The following MAST4 variants were observed in gnomAD, a reference collection of about 807,000 sequenced individuals.
The protein encoded by MAST4 is microtubule associated serine/threonine kinase family member 4.
MAST4 carries 89 observed loss-of-function variants against 162.7 expected under a neutral mutation model. That is an observed-to-expected ratio of 0.55 (90% CI 0.46 to 0.65). The LOEUF (loss-of-function observed/expected upper bound fraction) is 0.65. Ranked by LOEUF, MAST4 falls within the 30% of genes least tolerant of loss-of-function variation. The pLI is 0.00. For synonymous variants in MAST4, 1,479 were observed against 1,361.1 expected (o/e 1.09, Z -1.91); for missense variants, 3,153 against 3,374.0 (o/e 0.93, Z 1.62).
At chr5:66,836,292 G>C (rs898112660) in intron 3 of MAST4, among the ~76,000 whole-genome samples, 10 of 152,150 alleles carry the variant, frequency 6.6e-5, no homozygotes, top group African/African-American at 2.4e-4. Context: ...TTTAAAATAT[G>C]CATTATATGT....
At chr5:67,012,006 G>A (rs1410932160) in intron 4 of MAST4, among the ~76,000 whole-genome samples, 1 of 152,232 alleles carries the variant, frequency 6.6e-6, no homozygotes, top group Non-Finnish European at 1.5e-5. Flanking sequence ...TATTGTGTGT[G>A]TGTGAGAGAG....
chr5:66,877,952 C>G (rs1437680900), intron 3 of MAST4, among the ~76,000 whole-genome samples: 1 of 152,304 alleles, frequency 6.6e-6, no homozygotes, highest in South Asian at 2.1e-4. Flanking sequence ...ATAGAAAAAG[C>G]CCTCTACCTT....
chr5:67,005,131 C>G (rs1751848641), intron 4 of MAST4: 1 of 723,898 alleles, frequency 1.4e-6, no homozygotes, highest in African/African-American at 1.7e-5. Context: ...GCTTTCACTT[C>G]CCAGGGGCCC....
chr5:66,939,315 T>TA (rs531325358), intron 4 of MAST4, among the ~76,000 whole-genome samples: 204 of 152,174 alleles, frequency 1.3e-3, no homozygotes, highest in African/African-American at 4.8e-3. Flanking sequence ...TAATAGAAAA[T>TA]AAACTGAACC....
At chr5:67,121,272 C>T (rs1314482065) in intron 14 of MAST4, among the ~76,000 whole-genome samples, 170 bp downstream of exon 14, 8 of 152,118 alleles carry the variant, frequency 5.3e-5, no homozygotes, top group Non-Finnish European at 1.2e-4. Context: ...TCTTACTGGA[C>T]ACCTCATCAG....
At chr5:66,961,475 C>T (rs1746007383) in intron 4 of MAST4, among the ~76,000 whole-genome samples, 1 of 152,172 alleles carries the variant, frequency 6.6e-6, no homozygotes, top group South Asian at 2.1e-4. Context: ...TCAGTAAACA[C>T]AGGGCAGTTT....
At chr5:66,662,264 C>T (rs1025745929) in intron 1 of MAST4, 4 of 151,978 alleles carry the variant, frequency 2.6e-5, no homozygotes, top group Non-Finnish European at 4.4e-5. Context: ...TTCTTATTGC[C>T]CTTCCATTTT....
chr5:66,748,664 AT>A (rs1456741449), intron 1 of MAST4, among the ~76,000 whole-genome samples: 1 of 151,146 alleles, frequency 6.6e-6, no homozygotes, highest in Non-Finnish European at 1.5e-5. Context: ...TAATTTTTGT[AT>A]TTTTAGTAGA....
chr5:66,948,286 C>T (rs888353569), intron 4 of MAST4, among the ~76,000 whole-genome samples: 4 of 152,242 alleles, frequency 2.6e-5, no homozygotes, highest in African/African-American at 9.6e-5. Flanking sequence ...TGATAAGATA[C>T]GTGTGCAATC....
chr5:66,648,490 A>G (rs1746010416), intron 1 of MAST4, among the ~76,000 whole-genome samples: 1 of 152,152 alleles, frequency 6.6e-6, no homozygotes, highest in Non-Finnish European at 1.5e-5. Flanking sequence ...GGTAGCAGAG[A>G]AAGACAGTAA....
In MAST4 at chr5:67,165,040, G is replaced by C; in HGVS notation, c.5861G>C (p.Arg1954Pro). 2 of 1,608,766 alleles carry C rather than the reference G, an allele frequency of 1.2e-6. No individual in the cohort carries two copies. The highest frequency in any genetic ancestry group is 1.7e-6 in the Non-Finnish European group (2 of 1,177,520). The change falls in exon 29 of 29, where the codon CGC (arginine) becomes CCC (proline). Residue 1954 changes from arginine (R) to proline (P), a missense_variant. By Grantham distance (103) the Arg-to-Pro change is moderately radical. Coordinates refer to ENST00000403625, the MANE Select transcript of MAST4 (RefSeq NM_001164664.2). ...NLHSPDLARP[R>P]CPLPPEASPS... is the part of the protein sequence containing the mutation. Reference sequence around the variant, plus strand: ...CACAGCCCTGACCTGGCCAGGCCACGCTGCCCGCTCCCACCTGAAGCTTCC... The same window carrying C: ...CACAGCCCTGACCTGGCCAGGCCACCCTGCCCGCTCCCACCTGAAGCTTCC...
intron 5 of MAST4, among the ~76,000 whole-genome samples, chr5:67,076,568 C>T (rs996421665): frequency 6.6e-6 from 1 of 152,138 alleles, no homozygotes; most frequent in Non-Finnish European, 1.5e-5. Context: ...TTGTTACACC[C>T]TCTCTCCCAC....
chr5:66,934,691 T>C (rs1359395926), intron 4 of MAST4, among the ~76,000 whole-genome samples: 1 of 152,074 alleles, frequency 6.6e-6, no homozygotes, highest in African/African-American at 2.4e-5. Flanking sequence ...GCTTTGCATT[T>C]TTTGGTATTT....
At chr5:67,040,128 T>A (rs1756541717) in intron 4 of MAST4, among the ~76,000 whole-genome samples, 1 of 152,170 alleles carries the variant, frequency 6.6e-6, no homozygotes, top group South Asian at 2.1e-4. Context: ...TATACAAGGA[T>A]GCTTCATATC....
At chr5:66,610,168 G>T (rs1743200786) in intron 1 of MAST4, among the ~76,000 whole-genome samples, 1 of 152,130 alleles carries the variant, frequency 6.6e-6, no homozygotes, top group Admixed American at 6.5e-5. Context: ...AGCCTCAGGT[G>T]CTCCTTGGTT....
At chr5:66,920,511 A>G (rs1580879886) in intron 4 of MAST4, among the ~76,000 whole-genome samples, 1 of 152,182 alleles carries the variant, frequency 6.6e-6, no homozygotes, top group Non-Finnish European at 1.5e-5. Context: ...AGTGTTATTA[A>G]TATGTTTCTC....
Position 67,019,154 on chromosome 5 carries a change from A to G in MAST4, c.675-35250A>G, listed in dbSNP as rs549614626. Among the ~76,000 whole-genome samples the G allele has an allele frequency of 6.6e-5, 10 of 152,216 alleles. No homozygotes were observed. In the East Asian group the frequency reaches 1.2e-3, roughly 18 times the overall value. ...ATTTCTAGAAATTTTTAAAAAACCT[A>G]TAATATACAAGAAGACTGGGGCGGG... is the stretch of plus-strand genomic sequence containing the variant. On this transcript the variant is annotated intron_variant, in intron 4 of 28. Coordinates refer to ENST00000403625, the MANE Select transcript of MAST4 (RefSeq NM_001164664.2).
intron 2 of MAST4, among the ~76,000 whole-genome samples, chr5:66,766,095 A>T (rs886880183): frequency 6.6e-6 from 1 of 152,178 alleles, no homozygotes; most frequent in Non-Finnish European, 1.5e-5. Context: ...AATATGCCTC[A>T]CAGCTCACAG....
rs148255110 is a variant in MAST4 at position 66,651,860 on chromosome 5, C to T, written c.363+54842C>T. On this transcript the variant is annotated intron_variant, in intron 1 of 28. Coordinates refer to ENST00000403625, the MANE Select transcript of MAST4 (RefSeq NM_001164664.2). ...CTGTGGGACTGAGGGCCTCTCCTCA[C>T]TGGCTGTTGACCAGAGAACTCCCTC... Among the ~76,000 whole-genome samples the T allele has an allele frequency of 1.4e-3, 212 of 152,328 alleles. 2 individuals carry two copies. The highest frequency in any genetic ancestry group is 4.9e-3 in the African/African-American group (204 of 41,582).
Sources: gnomAD v4.1 joint callset for allele counts (sites outside exome capture counted in the v4.1 genomes callset) on GRCh38, gnomAD v4.1.1 for gene constraint, MANE v1.5 for transcripts, NCBI Gene and HGNC (gene_info 2026-07-23, HGNC 2026-07-21) for gene names.